The following KCNJ5 variants were observed in gnomAD, a reference collection of about 807,000 sequenced individuals.
KCNJ5 encodes the protein potassium inwardly rectifying channel subfamily J member 5.
A neutral mutation model predicts 20.2 loss-of-function variants in KCNJ5; 12 were observed. The ratio of observed to expected loss-of-function variants is 0.59; its 90% confidence interval spans 0.38 to 0.96. The LOEUF (loss-of-function observed/expected upper bound fraction) is 0.96. Among genes scored for constraint, KCNJ5 ranks in the 40% least tolerant of loss-of-function variants. The pLI, the probability that KCNJ5 is intolerant of heterozygous loss-of-function variation, is 0.00. For synonymous variants in KCNJ5, 210 were observed against 213.9 expected (o/e 0.98, Z 0.16); for missense variants, 449 against 557.6 (o/e 0.81, Z 1.96).
At chr11:128,893,531 C>T (rs190992868) in intron 1 of KCNJ5, among the ~76,000 whole-genome samples, 46 of 152,340 alleles carry the variant, frequency 3.0e-4, no homozygotes, top group African/African-American at 9.6e-4. Context: ...TCTAGACCTA[C>T]TACCTAGCTC....
intron 1 of KCNJ5, among the ~76,000 whole-genome samples, chr11:128,910,999 G>C (rs1243796594): frequency 6.6e-6 from 1 of 152,192 alleles, no homozygotes; most frequent in African/African-American, 2.4e-5. Context: ...CACTTAATGT[G>C]TAGTTTGCAC....
chr11:128,899,001 T>C (rs1257993245), intron 1 of KCNJ5, among the ~76,000 whole-genome samples: 1 of 152,218 alleles, frequency 6.6e-6, no homozygotes, highest in East Asian at 1.9e-4. Flanking sequence ...TTTCACTTTG[T>C]TTTTCTCTTA....
intron 1 of KCNJ5, among the ~76,000 whole-genome samples, chr11:128,905,078 G>C (rs987945484): frequency 6.6e-6 from 1 of 152,248 alleles, no homozygotes; most frequent in Admixed American, 6.5e-5. Context: ...CTGGCCCCTG[G>C]GAGGATCCTG....
At chr11:128,908,962 G>A (rs1170590972) in intron 1 of KCNJ5, among the ~76,000 whole-genome samples, 1 of 152,158 alleles carries the variant, frequency 6.6e-6, no homozygotes, top group African/African-American at 2.4e-5. Flanking sequence ...TTGGGATTCT[G>A]CAAAGATAGC....
At position 128,912,062 on chromosome 11, in the gene KCNJ5, G is replaced by A. The variant is rs139870749; in HGVS notation, c.789G>A (p.Thr263=). The A allele has an allele frequency of 3.5e-5, 56 of 1,613,930 alleles. No individual in the cohort carries two copies. Among genetic ancestry groups the A allele is most frequent in the South Asian group, 1.5e-4 (14 of 91,070 alleles). ...CAGACATCAACGTGGGCTTTGACAC[G>A]GGCGACGACCGCCTCTTCCTTGTGT... is the stretch of plus-strand genomic sequence containing the variant. ...NQTDINVGFD[T]GDDRLFLVSP... is the part of the protein sequence containing the mutation. The change falls in exon 2 of 3, where the codon ACG becomes ACA. Residue 263 remains threonine, a synonymous_variant. Transcript: ENST00000529694.
intron 1 of KCNJ5, chr11:128,904,609 G>A (rs1944363654): frequency 2.5e-6 from 2 of 793,936 alleles, no homozygotes; most frequent in East Asian, 2.4e-5. Flanking sequence ...GGAAACCCCA[G>A]ACCTACAGAA....
intron 1 of KCNJ5, chr11:128,904,371 C>T: frequency 6.2e-7 from 1 of 1,606,416 alleles, no homozygotes; most frequent in Non-Finnish European, 8.5e-7. Context: ...TGTGTACTCC[C>T]CACCAGACCA....
chr11:128,894,275 G>A lies in KCNJ5; in HGVS notation c.-11+2554G>A, dbSNP rs1000374345. On this transcript the variant is annotated intron_variant, in intron 1 of 2. Transcript: ENST00000529694. ...TTTTTGAAAACCTTGGAATGTGATC[G>A]TTGGGGCAGCGTTATGCTTTTTGTT... Among the ~76,000 whole-genome samples, 11 of 151,774 alleles carry A rather than the reference G, an allele frequency of 7.2e-5. No homozygotes were observed. The South Asian group carries it at 1.0e-3, about 14-fold the overall frequency.
At chr11:128,897,453 T>C (rs929305480) in intron 1 of KCNJ5, among the ~76,000 whole-genome samples, 3 of 152,208 alleles carry the variant, frequency 2.0e-5, no homozygotes, top group Non-Finnish European at 2.9e-5. Flanking sequence ...CTTAGCAAAA[T>C]GTCTTCTCAT....
chr11:128,891,757 C>T (rs1944095577), intron 1 of KCNJ5, 36 bp downstream of exon 1: 1 of 152,388 alleles, frequency 6.6e-6, no homozygotes. Context: ...ATTTCTCCCC[C>T]AGCTCGCGGG....
chr11:128,911,117 G>A lies in KCNJ5; in HGVS notation c.-10-147G>A, dbSNP rs867238232. 7 of 682,318 alleles carry A rather than the reference G, an allele frequency of 1.0e-5. No homozygotes were observed. The highest frequency in any genetic ancestry group is 8.3e-5 in the South Asian group (5 of 60,354). 42.3% of individuals were successfully genotyped at this position (682,318 alleles called of 1,614,324 possible). A position where few individuals can be genotyped will look rare whatever the true frequency, so the allele number is the denominator to read the frequency against. ...ACAAAAGAACCCTATAAGAGAGTGAGGCCCCTGCCCTTGAGGATTTCACGC... is the reference window on the plus strand; with the variant it reads ...ACAAAAGAACCCTATAAGAGAGTGAAGCCCCTGCCCTTGAGGATTTCACGC... On this transcript the variant is annotated intron_variant, in intron 1 of 2. Coordinates refer to ENST00000529694, the MANE Select transcript of KCNJ5 (RefSeq NM_000890.5). This position sits in a 1 kb window ranked among gnomAD's most constrained non-coding sequence, Gnocchi z 6.3.
intron 1 of KCNJ5, among the ~76,000 whole-genome samples, chr11:128,908,085 G>A (rs1002963296): frequency 1.3e-5 from 2 of 152,220 alleles, no homozygotes; most frequent in African/African-American, 4.8e-5. Flanking sequence ...AGTAGAGGCT[G>A]CATGCTGGTC....
At chr11:128,891,980 T>G (rs990881512) in intron 1 of KCNJ5, among the ~76,000 whole-genome samples, 5 of 152,234 alleles carry the variant, frequency 3.3e-5, no homozygotes, top group Non-Finnish European at 5.9e-5. Context: ...CAGGGCTACC[T>G]GGGGGTGCCC....
chr11:128,895,415 C>A (rs1024582425), intron 1 of KCNJ5, among the ~76,000 whole-genome samples: 3 of 145,950 alleles, frequency 2.1e-5, no homozygotes, highest in African/African-American at 7.6e-5. Context: ...GACTGCACTG[C>A]TGAGCACTTG....
intron 1 of KCNJ5, chr11:128,904,689 T>A (rs1944365236): frequency 1.6e-6 from 1 of 619,948 alleles, no homozygotes; most frequent in Non-Finnish European, 2.9e-6. Context: ...GAAGTGTGAG[T>A]CGACCTCCTT....
chr11:128,911,878 T>C lies in KCNJ5; in HGVS notation c.605T>C (p.Phe202Ser). Reference sequence around the variant, plus strand: ...AAGAAGAGAGCGGAGACCCTCATGTTTTCCAACAACGCAGTCATCTCCATG... The same window carrying C: ...AAGAAGAGAGCGGAGACCCTCATGTCTTCCAACAACGCAGTCATCTCCATG... The part of the protein sequence containing the change: ...QPKKRAETLM[F>S]SNNAVISMRD... Residue 202 changes from phenylalanine (F) to serine (S), a missense_variant, in exon 2 of 3, where the codon TTT becomes TCT. This residue lies in a region of KCNJ5 where 3 missense variants were observed against 18.3 expected (regional missense o/e 0.16). Transcript: ENST00000529694. This position sits in a 1 kb window ranked among gnomAD's most constrained non-coding sequence, Gnocchi z 6.3. 1 of 1,611,042 alleles carries C rather than the reference T, an allele frequency of 6.2e-7. No individual in the cohort carries two copies. The highest frequency in any genetic ancestry group is 8.5e-7 in the Non-Finnish European group (1 of 1,177,498).
At chr11:128,910,308 GA>G (rs1944477447) in intron 1 of KCNJ5, among the ~76,000 whole-genome samples, 1 of 152,168 alleles carries the variant, frequency 6.6e-6, no homozygotes, top group South Asian at 2.1e-4. Flanking sequence ...TACGCCCTTT[GA>G]AGAGCTTTGG....
At chr11:128,915,936 T>C (rs1944570842) in intron 2 of KCNJ5, among the ~76,000 whole-genome samples, 1 of 149,634 alleles carries the variant, frequency 6.7e-6, no homozygotes, top group Admixed American at 6.7e-5. Flanking sequence ...AATAAATAAT[T>C]GGGTGGATAG....
At position 128,916,906 on chromosome 11, in the gene KCNJ5, C is replaced by G. The variant is rs1944593156; in HGVS notation, c.*175C>G. The G allele has an allele frequency of 1.3e-5, 8 of 596,406 alleles. No homozygotes were observed. Among genetic ancestry groups the G allele is most frequent in the Admixed American group, 3.1e-5 (1 of 32,100 alleles). 36.9% of individuals were successfully genotyped at this position (596,406 alleles called of 1,614,324 possible). A position where few individuals can be genotyped will look rare whatever the true frequency, so the allele number is the denominator to read the frequency against. Reference sequence around the variant, plus strand: ...TCACAGCTCCCAGCACAGGGCCTCCCTGAGCCAGTGGCATCCTGCCTGGGC... The same window carrying G: ...TCACAGCTCCCAGCACAGGGCCTCCGTGAGCCAGTGGCATCCTGCCTGGGC... On this transcript the variant is annotated 3_prime_UTR_variant, in exon 3 of 3. Coordinates refer to ENST00000529694, the MANE Select transcript of KCNJ5 (RefSeq NM_000890.5).
Sources: allele counts gnomAD v4.1 joint callset (sites outside exome capture counted in the v4.1 genomes callset), GRCh38; gene constraint gnomAD v4.1.1; regional missense constraint gnomAD v4.1.1; non-coding constraint Gnocchi (gnomAD v3.1); transcripts MANE v1.5; gene names NCBI Gene and HGNC (gene_info 2026-07-23, HGNC 2026-07-21).